The following TENM3 variants were observed in gnomAD, a reference collection of about 807,000 sequenced individuals.
The protein encoded by TENM3 is teneurin transmembrane protein 3.
In TENM3, 63 loss-of-function variants were observed where a neutral mutation model predicts 255.1. That is an observed-to-expected ratio of 0.25 (90% CI 0.20 to 0.30). The LOEUF (loss-of-function observed/expected upper bound fraction) is 0.30, where lower values mean the gene tolerates loss of function less well. TENM3 is among the 10% of genes least tolerant of loss of function. The pLI is 1.00. For missense variants in TENM3, 2,929 were observed against 3,461.1 expected (o/e 0.85, Z 3.86); for synonymous variants, 1,306 against 1,322.3 (o/e 0.99, Z 0.27).
In TENM3 at chr4:182,367,813, CAT is replaced by C. The variant is rs903062604; in HGVS notation, c.511+20886_511+20887del. On this transcript the variant is annotated intron_variant, in intron 3 of 27. Coordinates refer to ENST00000511685, the MANE Select transcript of TENM3 (RefSeq NM_001080477.4). The stretch of plus-strand genomic sequence containing the variant: ...AAATACATGTGGATTTAAAGGAAAA[CAT>C]AATGGTTTTAGAGAATAAGGTGGAC... 3.9e-4 allele frequency among the ~76,000 whole-genome samples: 60 copies of C among 152,154 alleles called. 1 individual carries two copies. Among genetic ancestry groups the C allele is most frequent in the African/African-American group, 1.4e-3 (59 of 41,518 alleles).
the TENM3 span, among the ~76,000 whole-genome samples, chr4:181,610,167 T>G: frequency 6.6e-6 from 1 of 152,180 alleles, no homozygotes; most frequent in Non-Finnish European, 1.5e-5. Flanking sequence ...TTGCAGCAGC[T>G]TTAAATGGAG....
chr4:181,721,096 A>G, the TENM3 span, among the ~76,000 whole-genome samples: 1 of 152,000 alleles, frequency 6.6e-6, no homozygotes, highest in South Asian at 2.1e-4. Flanking sequence ...GCATTCAGAT[A>G]AATACCAAGG....
chr4:182,341,680 A>G (rs1238656439), intron 2 of TENM3, among the ~76,000 whole-genome samples: 1 of 152,242 alleles, frequency 6.6e-6, no homozygotes, highest in African/African-American at 2.4e-5. Context: ...TATATTTAAG[A>G]TCAGGTGATT....
the TENM3 span, among the ~76,000 whole-genome samples, chr4:182,114,580 T>C: frequency 6.6e-6 from 1 of 152,128 alleles, no homozygotes; most frequent in African/African-American, 2.4e-5. Context: ...TATATATGTT[T>C]ATAGATGTAG....
chr4:182,311,898 AGTT>A lies in TENM3; in HGVS notation c.-75-12044_-75-12042del, dbSNP rs1762472468. On this transcript the variant is annotated intron_variant, in intron 1 of 27. Coordinates refer to ENST00000511685, the MANE Select transcript of TENM3 (RefSeq NM_001080477.4). ...GCACTTTTTAAATATGGAAAGCTGT[AGTT>A]GTTTTGAAGTCATCTAGAAAACTTG... Among the ~76,000 whole-genome samples the A allele has an allele frequency of 5.9e-5, 9 of 152,298 alleles. No individual in the cohort carries two copies. The South Asian group carries it at 1.9e-3, about 32-fold the overall frequency.
intron 3 of TENM3, among the ~76,000 whole-genome samples, chr4:182,365,009 G>T (rs1766327678): frequency 6.6e-6 from 1 of 152,176 alleles, no homozygotes; most frequent in South Asian, 2.1e-4. Context: ...GAAAAAGCTT[G>T]TATCAATTTA....
the TENM3 span, among the ~76,000 whole-genome samples, chr4:181,804,664 A>T: frequency 6.6e-6 from 1 of 152,142 alleles, no homozygotes; most frequent in East Asian, 1.9e-4. Flanking sequence ...TGTTGGGTGT[A>T]GTCACAATGA....
chr4:181,878,611 A>T, the TENM3 span, among the ~76,000 whole-genome samples: 2 of 152,106 alleles, frequency 1.3e-5, no homozygotes, highest in East Asian at 3.9e-4. Context: ...AATATTTTAT[A>T]ATATGTTGTC....
At chr4:182,268,738 A>C (rs1283921897) in intron 1 of TENM3, among the ~76,000 whole-genome samples, 1 of 152,198 alleles carries the variant, frequency 6.6e-6, no homozygotes. Flanking sequence ...GCACCCTGAC[A>C]GTTTACAAAT....
At chr4:181,849,312 A>G in the TENM3 span, among the ~76,000 whole-genome samples, 1 of 152,238 alleles carries the variant, frequency 6.6e-6, no homozygotes, top group Non-Finnish European at 1.5e-5. Flanking sequence ...GAGAGTTTAC[A>G]GGCATCTCAG....
At chr4:182,313,676 AC>A (rs1762579408) in intron 1 of TENM3, among the ~76,000 whole-genome samples, 1 of 150,944 alleles carries the variant, frequency 6.6e-6, no homozygotes, top group Non-Finnish European at 1.5e-5. Context: ...TGAAAAAAAA[AC>A]AGCAAATATT....
chr4:182,418,182 A>G (rs1369227369), intron 3 of TENM3, among the ~76,000 whole-genome samples: 1 of 152,208 alleles, frequency 6.6e-6, no homozygotes, highest in Non-Finnish European at 1.5e-5. Context: ...GAAACATTTC[A>G]ATTCGAATAT....
chr4:182,500,593 GA>G (rs1736212830), intron 3 of TENM3, among the ~76,000 whole-genome samples: 1 of 150,912 alleles, frequency 6.6e-6, no homozygotes, highest in African/African-American at 2.4e-5. Flanking sequence ...TATATCATCT[GA>G]CTTAGGAATT....
At chr4:182,587,973 A>G (rs2152380390) in intron 3 of TENM3, among the ~76,000 whole-genome samples, 1 of 152,252 alleles carries the variant, frequency 6.6e-6, no homozygotes, top group East Asian at 1.9e-4. Flanking sequence ...TAATACAGTG[A>G]AGTTTTCATA....
chr4:182,112,353 G>A, the TENM3 span, among the ~76,000 whole-genome samples: 3 of 152,066 alleles, frequency 2.0e-5, no homozygotes, highest in Non-Finnish European at 4.4e-5. Context: ...TCATCACCTT[G>A]TGGGGAAAAC....
the TENM3 span, among the ~76,000 whole-genome samples, chr4:182,102,715 G>GGTCT: frequency 6.6e-6 from 1 of 152,132 alleles, no homozygotes; most frequent in South Asian, 2.1e-4. Context: ...AGACCATCTA[G>GGTCT]GTCTGAGCCT....
chr4:181,876,358 A>C, the TENM3 span, among the ~76,000 whole-genome samples: 1 of 152,226 alleles, frequency 6.6e-6, no homozygotes, highest in Admixed American at 6.5e-5. Flanking sequence ...AAATATGGGG[A>C]ACACCTTTCA....
At chr4:181,913,439 G>A in the TENM3 span, among the ~76,000 whole-genome samples, 15 of 152,260 alleles carry the variant, frequency 9.9e-5, 1 homozygote, top group Middle Eastern at 6.8e-3. Flanking sequence ...AGAGCACACC[G>A]GACAAGGGAG....
At chr4:181,544,872 G>A in the TENM3 span, among the ~76,000 whole-genome samples, 1 of 152,160 alleles carries the variant, frequency 6.6e-6, no homozygotes, top group Non-Finnish European at 1.5e-5. Flanking sequence ...TCATAGAGAG[G>A]GAATTAGAGC....
Sources: gnomAD v4.1 joint callset for allele counts (sites outside exome capture counted in the v4.1 genomes callset) on GRCh38, gnomAD v4.1.1 for gene constraint, MANE v1.5 for transcripts, NCBI Gene and HGNC (gene_info 2026-07-23, HGNC 2026-07-21) for gene names.